CNIH3: variants seen among roughly 807,000 people sequenced by gnomAD.
CNIH3 encodes cornichon family AMPA receptor auxiliary protein 3.
A neutral mutation model predicts 24.1 loss-of-function variants in CNIH3; 14 were observed. The observed-to-expected ratio is 0.58, with a 90% CI of 0.38 to 0.91. CNIH3 has a LOEUF of 0.91. Among genes scored for constraint, CNIH3 ranks in the 40% least tolerant of loss-of-function variants. The pLI is 0.00. For synonymous variants in CNIH3, 68 were observed against 73.8 expected, an observed-to-expected ratio of 0.92 and a Z score of 0.40; for missense variants, 178 against 196.8, an observed-to-expected ratio of 0.90 and a Z score of 0.57.
At chr1:224,561,560 G>A (rs1680373677) in intron 3 of CNIH3, among the ~76,000 whole-genome samples, 1 of 152,164 alleles carries the variant, frequency 6.6e-6, no homozygotes, top group African/African-American at 2.4e-5. Flanking sequence ...GGCCAATTCT[G>A]CTCGATGTGG....
chr1:224,434,781 C>T (rs1384722748), exon 1 of CNIH3: 3 of 986,430 alleles, frequency 3.0e-6, no homozygotes, highest in Admixed American at 1.2e-4. Context: ...TGATTCTTCC[C>T]CCAGCTGCTG....
chr1:224,519,906 G>GTGCTT (rs1325814894), intron 1 of CNIH3, among the ~76,000 whole-genome samples: 1 of 152,100 alleles, frequency 6.6e-6, no homozygotes, highest in Admixed American at 6.5e-5. Flanking sequence ...CACATTTCAA[G>GTGCTT]TGCTTACTAG....
At chr1:224,679,623 G>A (rs558754381) in intron 1 of CNIH3, among the ~76,000 whole-genome samples, 4 of 152,356 alleles carry the variant, frequency 2.6e-5, no homozygotes, top group Admixed American at 2.6e-4. Context: ...GGCAAGGGAT[G>A]ATATAGAAAT....
rs56137320 is a variant in CNIH3 at position 224,463,773 on chromosome 1, A to ATTTTTTTT, written n.203+28940_203+28947dup. 1.5e-3 allele frequency among the ~76,000 whole-genome samples: 31 copies of ATTTTTTTT among 20,730 alleles called. 9 individuals carry two copies. Among genetic ancestry groups the ATTTTTTTT allele is most frequent in the Admixed American group, 5.3e-3 (6 of 1,132 alleles). 13.6% of individuals were successfully genotyped at this position (20,730 alleles called of 152,430 possible). ...TTCTCCCAGCTTATGAATTGTCCTC[A>ATTTTTTTT]TTTTTTTTTTTTTTTTTTTTTTTTT... On this transcript the variant is annotated intron_variant and non_coding_transcript_variant, in intron 1 of 5. Transcript: ENST00000471578.
chr1:224,492,634 T>C (rs1488049212), intron 1 of CNIH3, among the ~76,000 whole-genome samples: 1 of 152,214 alleles, frequency 6.6e-6, no homozygotes, highest in Non-Finnish European at 1.5e-5. Flanking sequence ...TTAACATATA[T>C]ACAAAGAATT....
At chr1:224,506,265 GCACACGCGCGCGCGCGCGCGCGCACA>G (rs1558115804) in intron 1 of CNIH3, among the ~76,000 whole-genome samples, 1 of 105,338 alleles carries the variant, frequency 9.5e-6, no homozygotes, top group Admixed American at 1.2e-4. Context: ...TCATATGCAC[GCACACGCGCGCGCGCGCGCGCGCACA>G]CACACACACA....
chr1:224,545,751 C>G (rs1679679648), intron 2 of CNIH3, among the ~76,000 whole-genome samples: 1 of 152,194 alleles, frequency 6.6e-6, no homozygotes, highest in Non-Finnish European at 1.5e-5. Context: ...TCCCCTGAAT[C>G]AGCTTGAACA....
At chr1:224,680,025 T>G (rs1264613648) in intron 1 of CNIH3, among the ~76,000 whole-genome samples, 1 of 152,140 alleles carries the variant, frequency 6.6e-6, no homozygotes, top group Admixed American at 6.5e-5. Flanking sequence ...GCCAGGCTGG[T>G]CTAGAATTCC....
At chr1:224,593,281 A>G (rs1452992670), downstream of CNIH3, among the ~76,000 whole-genome samples, 1 of 151,736 alleles carries the variant, frequency 6.6e-6, no homozygotes, top group Non-Finnish European at 1.5e-5. Context: ...CAGCCACCCA[A>G]ATAGCTGGGA....
rs1176355170 is a variant in CNIH3, at chr1:224,475,037, T to G, written n.203+40175T>G. Reference sequence around the variant, plus strand: ...TCCAGCCTGAGCGACAGAAGGAGACTCCATCTCAAAAAAAAAAGAAAAAAA... The same window carrying G: ...TCCAGCCTGAGCGACAGAAGGAGACGCCATCTCAAAAAAAAAAGAAAAAAA... On this transcript the variant is annotated intron_variant and non_coding_transcript_variant, in intron 1 of 5. Coordinates refer to the CNIH3 transcript ENST00000471578. Among the ~76,000 whole-genome samples, 9 of 118,884 alleles carry G rather than the reference T, an allele frequency of 7.6e-5. No homozygotes were observed. The East Asian group carries it at 2.1e-3, about 28-fold the overall frequency. 78.0% of individuals were successfully genotyped at this position (118,884 alleles called of 152,430 possible).
intron 1 of CNIH3, among the ~76,000 whole-genome samples, chr1:224,451,334 G>A (rs1675389926): frequency 6.6e-6 from 1 of 152,158 alleles, no homozygotes; most frequent in African/African-American, 2.4e-5. Context: ...CAAGAGTTCT[G>A]TTTCATAGAG....
chr1:224,463,043 G>A (rs757678215), intron 1 of CNIH3, among the ~76,000 whole-genome samples: 10 of 151,328 alleles, frequency 6.6e-5, no homozygotes, highest in South Asian at 2.1e-4. Context: ...GACTACAGGC[G>A]TGTGCCACCA....
chr1:224,528,810 T>C (rs1408939448), intron 2 of CNIH3, among the ~76,000 whole-genome samples: 1 of 152,246 alleles, frequency 6.6e-6, no homozygotes, highest in Non-Finnish European at 1.5e-5. Flanking sequence ...ACAATAATAA[T>C]GTATTTGACA....
intron 4 of CNIH3, among the ~76,000 whole-genome samples, chr1:224,566,986 A>G (rs1231484745): frequency 6.6e-6 from 1 of 152,208 alleles, no homozygotes; most frequent in African/African-American, 2.4e-5. Flanking sequence ...TCCCACCAAC[A>G]GTGTAAAAGC....
chr1:224,675,738 T>G (rs924019172), intron 1 of CNIH3, among the ~76,000 whole-genome samples: 5 of 152,162 alleles, frequency 3.3e-5, no homozygotes, highest in Non-Finnish European at 7.4e-5. Flanking sequence ...GCATCGTTAG[T>G]CACTGGAGGA....
chr1:224,708,544 A>C (rs965308344), intron 3 of CNIH3, among the ~76,000 whole-genome samples: 1 of 152,178 alleles, frequency 6.6e-6, no homozygotes, highest in Non-Finnish European at 1.5e-5. Flanking sequence ...AATCCCTTGC[A>C]GTCCGGCAGA....
chr1:224,547,481 T>G (rs1369383059), intron 3 of CNIH3, among the ~76,000 whole-genome samples: 1 of 152,072 alleles, frequency 6.6e-6, no homozygotes, highest in East Asian at 1.9e-4. Flanking sequence ...GAACTATTAT[T>G]CTTAATATCA....
At chr1:224,450,255 G>A (rs533158672) in intron 1 of CNIH3, among the ~76,000 whole-genome samples, 1 of 152,162 alleles carries the variant, frequency 6.6e-6, no homozygotes, top group South Asian at 2.1e-4. Context: ...GGGAAGACCA[G>A]CAAAAAGAAA....
chr1:224,434,809 G>C (rs1362297504), exon 1 of CNIH3: 1 of 986,098 alleles, frequency 1.0e-6, no homozygotes, highest in African/African-American at 1.7e-5. Flanking sequence ...GAGTCCAGGC[G>C]CTCGCGTCAC....
Sources: allele counts gnomAD v4.1 joint callset (sites outside exome capture counted in the v4.1 genomes callset), GRCh38; gene constraint gnomAD v4.1.1; transcripts MANE v1.5; gene names NCBI Gene and HGNC (gene_info 2026-07-23, HGNC 2026-07-21).